Variants in EMB observed in about 807,000 individuals in gnomAD.
EMB encodes the protein embigin.
Under a neutral mutation model 41.4 loss-of-function variants are expected in EMB, and 31 were observed. The ratio of observed to expected loss-of-function variants is 0.75; its 90% CI spans 0.56 to 1.01. The LOEUF (loss-of-function observed/expected upper bound fraction) is 1.01, where lower values mean the gene tolerates loss of function less well. Among genes scored for constraint, EMB ranks in the 50% least tolerant of loss-of-function variants. The pLI is 0.00. For synonymous variants in EMB, 137 were observed against 140.4 expected (o/e 0.98, Z 0.17); for missense variants, 379 against 388.3 (o/e 0.98, Z 0.20).
intron 1 of EMB, among the ~76,000 whole-genome samples, chr5:50,435,067 T>A (rs1248536362): frequency 6.6e-6 from 1 of 152,196 alleles, no homozygotes; most frequent in Admixed American, 6.5e-5. Flanking sequence ...ATTAACAGAT[T>A]TCTCAACTAC....
intron 2 of EMB, among the ~76,000 whole-genome samples, chr5:50,424,361 A>C (rs938793766): frequency 6.6e-6 from 1 of 152,198 alleles, no homozygotes; most frequent in Non-Finnish European, 1.5e-5. Flanking sequence ...AATACAGTAA[A>C]TACATATCAG....
At chr5:50,433,442 G>A (rs183213909) in intron 1 of EMB, among the ~76,000 whole-genome samples, 83 of 152,260 alleles carry the variant, frequency 5.5e-4, no homozygotes, top group Admixed American at 4.6e-3. Flanking sequence ...TACTTTAACA[G>A]TAACTTATGC....
chr5:50,422,140 T>C (rs1173247661), intron 2 of EMB, among the ~76,000 whole-genome samples: 4 of 152,192 alleles, frequency 2.6e-5, no homozygotes, highest in African/African-American at 9.7e-5. Flanking sequence ...AAAATAATAC[T>C]AACATGTTAA....
At chr5:50,416,095 CAAG>C (rs1485990971) in intron 2 of EMB, among the ~76,000 whole-genome samples, 1 of 152,116 alleles carries the variant, frequency 6.6e-6, no homozygotes, top group African/African-American at 2.4e-5. Flanking sequence ...TCCTTCCTGT[CAAG>C]AAATCACAGC....
At position 50,437,982 on chromosome 5, in the gene EMB, C is replaced by G. The variant is rs11952691; in HGVS notation, c.112+3058G>C. Reference sequence around the variant, plus strand: ...CTTATTTAATCAAAAAACCTTAAAACAGTCCCTGTACCTAATTTTATTCCA... The same window carrying G: ...CTTATTTAATCAAAAAACCTTAAAAGAGTCCCTGTACCTAATTTTATTCCA... On this transcript the variant is annotated intron_variant, in intron 1 of 8. Transcript: ENST00000303221. Among the ~76,000 whole-genome samples the G allele has an allele frequency of 9.5e-3, 1,449 of 151,992 alleles. 16 individuals carry two copies. The highest frequency in any genetic ancestry group is 0.024 in the African/African-American group (1,001 of 41,344).
At position 50,428,631 on chromosome 5, in the gene EMB, T is replaced by C. The variant is rs1745663063; in HGVS notation, c.113-404A>G. 4.1e-6 allele frequency: 4 copies of C among 984,684 alleles called. No individual in the cohort carries two copies. The African/African-American group carries it at 7.0e-5, about 17-fold the overall frequency. 61.0% of individuals were successfully genotyped at this position (984,684 alleles called of 1,614,324 possible). On this transcript the variant is annotated intron_variant, in intron 1 of 8. Transcript: ENST00000303221. ...AAGAAGAGCGACAGGCAGACCTTAA[T>C]AAAGAGAATTAAAAAAAAAAATAGA...
chr5:50,412,069 T>C (rs1029833918), intron 2 of EMB: 1 of 152,098 alleles, frequency 6.6e-6, no homozygotes, highest in Non-Finnish European at 1.5e-5. Context: ...ATAAGAACAC[T>C]TAACATTAGA....
At chr5:50,415,991 G>A (rs180711241) in intron 2 of EMB, among the ~76,000 whole-genome samples, 9 of 152,208 alleles carry the variant, frequency 5.9e-5, no homozygotes, top group African/African-American at 2.2e-4. Context: ...TTTCTTAATG[G>A]TAGGCCATCC....
intron 2 of EMB, among the ~76,000 whole-genome samples, chr5:50,414,525 A>G (rs1745396950): frequency 9.9e-6 from 1 of 101,134 alleles, no homozygotes. Context: ...GCCCTGTCTC[A>G]GGCAAAAAAA....
At chr5:50,437,750 G>A (rs1161353342) in intron 1 of EMB, among the ~76,000 whole-genome samples, 4 of 152,128 alleles carry the variant, frequency 2.6e-5, no homozygotes, top group Admixed American at 6.5e-5. Context: ...TGTTTGGGGT[G>A]AGAGGTTAGT....
intron 1 of EMB, among the ~76,000 whole-genome samples, chr5:50,429,255 C>G (rs1183920295): frequency 6.6e-6 from 1 of 152,142 alleles, no homozygotes; most frequent in Non-Finnish European, 1.5e-5. Context: ...CAGGAAACTA[C>G]TCAAATATAT....
intron 2 of EMB, among the ~76,000 whole-genome samples, chr5:50,413,449 T>TTAA (rs1745376978): frequency 6.6e-6 from 1 of 152,180 alleles, no homozygotes; most frequent in Non-Finnish European, 1.5e-5. Context: ...AGTCTCTGGA[T>TTAA]CCAATTCCCA....
chr5:50,424,317 C>G (rs1745575387), intron 2 of EMB, among the ~76,000 whole-genome samples: 1 of 152,126 alleles, frequency 6.6e-6, no homozygotes, highest in African/African-American at 2.4e-5. Flanking sequence ...TTCAAAACAA[C>G]TCATTTTTAC....
intron 2 of EMB, among the ~76,000 whole-genome samples, chr5:50,422,100 A>T (rs867578994): frequency 6.6e-6 from 1 of 152,224 alleles, no homozygotes; most frequent in South Asian, 2.1e-4. Context: ...CTGTTTTTTT[A>T]AAAAGAACAG....
At chr5:50,402,186 C>T (rs1448016034) in intron 7 of EMB, 100 bp downstream of exon 7, 3 of 1,257,034 alleles carry the variant, frequency 2.4e-6, no homozygotes, top group Non-Finnish European at 3.5e-6. Context: ...AGAAAATACT[C>T]CTCTGCCTTT....
At chr5:50,414,104 G>T (rs1052580038) in intron 2 of EMB, among the ~76,000 whole-genome samples, 1 of 152,178 alleles carries the variant, frequency 6.6e-6, no homozygotes, top group African/African-American at 2.4e-5. Flanking sequence ...AAGAGAAGGA[G>T]TTGTGTTTGG....
At chr5:50,428,271 A>G in intron 1 of EMB, 44 bp from the exon 2 acceptor site, 1 of 1,440,602 alleles carries the variant, frequency 6.9e-7, no homozygotes, top group Non-Finnish European at 9.6e-7. Flanking sequence ...TATCAAGAGT[A>G]AATGACTATC....
At chr5:50,441,717 C>A (rs1745919215), upstream of EMB, among the ~76,000 whole-genome samples, 4 of 152,176 alleles carry the variant, frequency 2.6e-5, no homozygotes, top group Admixed American at 2.6e-4. Flanking sequence ...CTTTGCTTTG[C>A]CTACCAATCA....
At chr5:50,442,662 T>G (rs575111915), upstream of EMB, among the ~76,000 whole-genome samples, 40 of 152,326 alleles carry the variant, frequency 2.6e-4, no homozygotes, top group Middle Eastern at 3.4e-3. Flanking sequence ...TCTTATACAC[T>G]GTTGACCCTC....
Sources: allele counts gnomAD v4.1 joint callset (sites outside exome capture counted in the v4.1 genomes callset), GRCh38; gene constraint gnomAD v4.1.1; transcripts MANE v1.5; gene names NCBI Gene and HGNC (gene_info 2026-07-23, HGNC 2026-07-21).